NFATC3: variants seen among roughly 807,000 people sequenced by gnomAD.
NFATC3 encodes the protein nuclear factor of activated T-cells, cytoplasmic 3.
Under a neutral mutation model 98.6 loss-of-function variants are expected in NFATC3, and 46 were observed. The observed-to-expected ratio is 0.47, with a 90% CI of 0.37 to 0.60. The LOEUF is 0.60. NFATC3 is among the 20% of genes least tolerant of loss of function. NFATC3 has a pLI of 0.00. For missense variants in NFATC3, 1,256 were observed against 1,295.5 expected (o/e 0.97, Z 0.47); for synonymous variants, 512 against 472.2 (o/e 1.08, Z -1.09).
At chr16:68,143,258 A>C (rs2037855878) in intron 3 of NFATC3, among the ~76,000 whole-genome samples, 2 of 151,748 alleles carry the variant, frequency 1.3e-5, no homozygotes, top group Admixed American at 6.6e-5. Context: ...ATATAGTTAT[A>C]AAATTGGGTT....
intron 1 of NFATC3, chr16:68,086,584 G>A (rs1310355981): frequency 1.1e-6 from 1 of 952,374 alleles, no homozygotes; most frequent in South Asian, 4.9e-5. Flanking sequence ...GCTCTTTTGT[G>A]ACCTGGTTTG....
At chr16:68,199,588 G>C (rs1422432406) in intron 9 of NFATC3, among the ~76,000 whole-genome samples, 1 of 143,006 alleles carries the variant, frequency 7.0e-6, no homozygotes, top group Non-Finnish European at 1.5e-5. Flanking sequence ...GTGTTTTTTG[G>C]TTTGTTTTGT....
intron 9 of NFATC3, chr16:68,225,876 CAG>C (rs1246603923): frequency 6.6e-6 from 1 of 152,356 alleles, no homozygotes; most frequent in East Asian, 1.9e-4. Flanking sequence ...AGCCTCCAAT[CAG>C]AAAAGATCAC....
intron 1 of NFATC3, among the ~76,000 whole-genome samples, chr16:68,108,232 C>T (rs1399324639): frequency 1.3e-5 from 2 of 152,132 alleles, no homozygotes; most frequent in South Asian, 2.1e-4. Flanking sequence ...AGTCTTTAAT[C>T]CATCTCGAGT....
chr16:68,166,075 T>C (rs943001047), intron 4 of NFATC3, among the ~76,000 whole-genome samples: 2 of 152,262 alleles, frequency 1.3e-5, no homozygotes, highest in Non-Finnish European at 2.9e-5. Flanking sequence ...TTTTTATTAA[T>C]AAATACATCA....
At position 68,191,621 on chromosome 16, in the gene NFATC3, G is replaced by A; in HGVS notation, c.2952G>A (p.Gly984=). ...CTCAAGCACAAAGTACGGGCCAGGG[G>A]GGTCTTTCTGCACCTTCATCCTTAA... is the stretch of plus-strand genomic sequence containing the variant. ...HSTQAQSTGQ[G]GLSAPSSLIC... The change falls in exon 9 of 10, where the codon GGG becomes GGA. Residue 984 remains glycine (G), a synonymous_variant. Coordinates refer to ENST00000346183, the MANE Select transcript of NFATC3 (RefSeq NM_173165.3). 1 of 1,614,112 alleles carries A rather than the reference G, an allele frequency of 6.2e-7. No homozygotes were observed. Among genetic ancestry groups the A allele is most frequent in the South Asian group, 1.1e-5 (1 of 91,078 alleles).
At position 68,163,204 on chromosome 16, in the gene NFATC3, C is replaced by T. The variant is rs561926546; in HGVS notation, c.1602-3639C>T. On this transcript the variant is annotated intron_variant, in intron 4 of 9. Coordinates refer to ENST00000346183, the MANE Select transcript of NFATC3 (RefSeq NM_173165.3). ...TCCCCACCTTTCCCCCCTTTCTATT[C>T]CACAAAACCGCCATTGTCATCATGG... Among the ~76,000 whole-genome samples the T allele has an allele frequency of 1.6e-3, 248 of 152,270 alleles. 8 individuals are homozygous for T. In the South Asian group the frequency reaches 0.05, roughly 31 times the overall value.
chr16:68,144,461 A>G (rs1015567077), intron 3 of NFATC3, among the ~76,000 whole-genome samples: 1 of 152,100 alleles, frequency 6.6e-6, no homozygotes, highest in Non-Finnish European at 1.5e-5. Context: ...TGTTTACACA[A>G]TAGGTATACT....
intron 4 of NFATC3, among the ~76,000 whole-genome samples, chr16:68,161,085 C>T (rs1007852627): frequency 2.0e-5 from 3 of 152,184 alleles, no homozygotes; most frequent in Non-Finnish European, 4.4e-5. Context: ...AAAATATTGA[C>T]ACCAGGCATC....
Position 68,190,910 on chromosome 16 carries a change from G to C in NFATC3, c.2241G>C (p.Leu747Phe). The C allele has an allele frequency of 6.2e-7, 1 of 1,614,188 alleles. No individual in the cohort carries two copies. The highest frequency in any genetic ancestry group is 1.1e-5 in the South Asian group (1 of 91,080). The change falls in exon 9 of 10, where the codon TTG becomes TTC. Residue 747 changes from leucine to phenylalanine, a missense_variant. Leu to Phe is a conservative substitution (Grantham distance 22). This residue lies in a region of NFATC3 where 636 missense variants were observed against 617.3 expected (regional missense o/e 1.03). Coordinates refer to ENST00000346183, the MANE Select transcript of NFATC3 (RefSeq NM_173165.3). ...HDSVLSGQRS[L>F]ICSIPQTYAS... ...GTGTACTGTCAGGACAGAGAAGTTT[G>C]ATTTGCTCCATCCCACAAACATATG...
chr16:68,220,022 T>C (rs1436444483), intron 9 of NFATC3, among the ~76,000 whole-genome samples: 1 of 152,210 alleles, frequency 6.6e-6, no homozygotes. Flanking sequence ...GAATACGAAC[T>C]TTTTCTCTTA....
chr16:68,122,143 A>C lies in NFATC3; in HGVS notation c.260A>C (p.Glu87Ala). The C allele has an allele frequency of 6.2e-7, 1 of 1,614,130 alleles. No individual in the cohort carries two copies. The highest frequency in any genetic ancestry group is 8.5e-7 in the Non-Finnish European group (1 of 1,180,028). Residue 87 changes from glutamate to alanine, a missense_variant, in exon 2 of 10, where the codon GAA (glutamate) becomes GCA (alanine). This residue lies in a region of NFATC3 where 464 missense variants were observed against 465.7 expected (regional missense o/e 1.00). Transcript: ENST00000346183. Reference sequence around the variant, plus strand: ...CAGCTCCAAAGTCACAAAAACTATGAAGGAACTTGTGAGATTCCTGAATCT... The same window carrying C: ...CAGCTCCAAAGTCACAAAAACTATGCAGGAACTTGTGAGATTCCTGAATCT... The part of the protein sequence containing the change: ...SFQLQSHKNY[E>A]GTCEIPESKY...
At chr16:68,222,261 C>T (rs2041890905) in intron 9 of NFATC3, among the ~76,000 whole-genome samples, 2 of 121,066 alleles carry the variant, frequency 1.7e-5, no homozygotes, top group Non-Finnish European at 3.2e-5. Flanking sequence ...TGCATTCCAG[C>T]CTGGGCAACA....
chr16:68,130,681 C>G (rs2037068040), intron 3 of NFATC3, among the ~76,000 whole-genome samples: 1 of 152,084 alleles, frequency 6.6e-6, no homozygotes, highest in Admixed American at 6.6e-5. Flanking sequence ...TTTTTATTGG[C>G]TGTGATTTTG....
intron 5 of NFATC3, 74 bp downstream of exon 5, chr16:68,167,089 G>A (rs1376540499): frequency 3.4e-6 from 5 of 1,481,934 alleles, no homozygotes; most frequent in Middle Eastern, 1.8e-4. Flanking sequence ...ATAATGTAAT[G>A]TATGCGTCTG....
chr16:68,222,876 T>A (rs1412191859), intron 9 of NFATC3, among the ~76,000 whole-genome samples: 1 of 152,210 alleles, frequency 6.6e-6, no homozygotes, highest in Non-Finnish European at 1.5e-5. Context: ...GCCATCCTTG[T>A]GCTCCCTCTT....
chr16:68,115,869 C>A lies in NFATC3; in HGVS notation c.104-6118C>A, dbSNP rs73612688. Among the ~76,000 whole-genome samples the A allele has an allele frequency of 4.9e-3, 743 of 152,150 alleles. 8 individuals are homozygous for A. Among genetic ancestry groups the A allele is most frequent in the African/African-American group, 0.017 (703 of 41,508 alleles). On this transcript the variant is annotated intron_variant, in intron 1 of 9. Transcript: ENST00000346183. ...ACATCTAATTTGATAACAGTATAAC[C>A]ACACTCCACTGTGCTTTAAAAGGGC...
chr16:68,171,472 TC>T (rs2039456448), intron 5 of NFATC3, among the ~76,000 whole-genome samples: 2 of 150,260 alleles, frequency 1.3e-5, no homozygotes, highest in Non-Finnish European at 3.0e-5. Flanking sequence ...CCCATACCTA[TC>T]TTTTTTTTTT....
chr16:68,127,221 T>C (rs2036883357), intron 3 of NFATC3, among the ~76,000 whole-genome samples: 1 of 151,796 alleles, frequency 6.6e-6, no homozygotes, highest in African/African-American at 2.4e-5. Flanking sequence ...TCTAAATAAA[T>C]AAATAAGTAA....
Sources: allele counts gnomAD v4.1 joint callset (sites outside exome capture counted in the v4.1 genomes callset), GRCh38; gene constraint gnomAD v4.1.1; regional missense constraint gnomAD v4.1.1; transcripts MANE v1.5; gene names NCBI Gene and HGNC (gene_info 2026-07-23, HGNC 2026-07-21).